Variants in ZSWIM6 observed in about 807,000 individuals in gnomAD.
ZSWIM6 encodes zinc finger SWIM domain-containing protein 6.
Under a neutral mutation model 113.2 loss-of-function variants are expected in ZSWIM6, and 9 were observed. That is an observed-to-expected ratio of 0.08 (90% CI 0.05 to 0.14). The LOEUF (loss-of-function observed/expected upper bound fraction) is 0.14. ZSWIM6 is among the 10% of genes least tolerant of loss of function. The pLI is 1.00. For synonymous variants in ZSWIM6, 611 were observed against 606.5 expected (o/e 1.01, Z -0.11); for missense variants, 1,162 against 1,552.2 (o/e 0.75, Z 4.22).
chr5:61,373,684 C>T (rs1745312376), intron 1 of ZSWIM6, among the ~76,000 whole-genome samples: 1 of 152,052 alleles, frequency 6.6e-6, no homozygotes, highest in African/African-American at 2.4e-5. Context: ...TAAAATCTTA[C>T]TGATTTTTCA....
At chr5:61,494,510 C>T (rs762602503) in intron 4 of ZSWIM6, 100 bp downstream of exon 4, 1 of 1,426,598 alleles carries the variant, frequency 7.0e-7, no homozygotes, top group Non-Finnish European at 9.5e-7. Context: ...GAAGAGAGAG[C>T]TGCTCATGCA....
intron 1 of ZSWIM6, among the ~76,000 whole-genome samples, chr5:61,440,407 G>A (rs1031688016): frequency 6.7e-6 from 1 of 150,006 alleles, no homozygotes; most frequent in Admixed American, 6.7e-5. Flanking sequence ...TAAGGGTGAA[G>A]TGCTAACTCT....
chr5:61,433,952 A>G (rs1288669694), intron 1 of ZSWIM6, among the ~76,000 whole-genome samples: 3 of 149,856 alleles, frequency 2.0e-5, no homozygotes, highest in African/African-American at 7.3e-5. Flanking sequence ...ATCACATAAC[A>G]TGCATACATG....
At chr5:61,451,355 T>C (rs1291313384) in intron 1 of ZSWIM6, among the ~76,000 whole-genome samples, 1 of 152,220 alleles carries the variant, frequency 6.6e-6, no homozygotes, top group African/African-American at 2.4e-5. Flanking sequence ...AAGTATATTA[T>C]TTAAAAGTTA....
intron 1 of ZSWIM6, among the ~76,000 whole-genome samples, chr5:61,461,107 C>G (rs2112168395): frequency 6.6e-6 from 1 of 152,184 alleles, no homozygotes; most frequent in South Asian, 2.1e-4. Context: ...AATTTCCCCC[C>G]AAATGCCAGT....
chr5:61,451,843 ATAAAT>A (rs1379507174), intron 1 of ZSWIM6, among the ~76,000 whole-genome samples: 1 of 152,178 alleles, frequency 6.6e-6, no homozygotes, highest in African/African-American at 2.4e-5. Context: ...TTAGCACCTA[ATAAAT>A]TGTTTATTTG....
chr5:61,422,111 T>C (rs1244622626), intron 1 of ZSWIM6, among the ~76,000 whole-genome samples: 1 of 152,220 alleles, frequency 6.6e-6, no homozygotes, highest in African/African-American at 2.4e-5. Flanking sequence ...TTGCCTGTGC[T>C]TGTGGGATAT....
rs748556109 is a variant in ZSWIM6, at chr5:61,373,372, CTTTTTTT to C, written c.676+40441_676+40447del. Among the ~76,000 whole-genome samples the C allele has an allele frequency of 7.2e-4, 74 of 102,946 alleles. 1 individual carries two copies. Among genetic ancestry groups the C allele is most frequent in the South Asian group, 5.1e-3 (16 of 3,156 alleles). 67.5% of individuals were successfully genotyped at this position (102,946 alleles called of 152,430 possible). On this transcript the variant is annotated intron_variant, in intron 1 of 13. Transcript: ENST00000252744. ...CTAAAATTTCTTCTACTCAGTATTT[CTTTTTTT>C]TTTTTTTTTTTTTTTTGAGACGGAG...
chr5:61,503,638 C>T (rs1748531153), intron 4 of ZSWIM6, among the ~76,000 whole-genome samples: 1 of 152,090 alleles, frequency 6.6e-6, no homozygotes, highest in South Asian at 2.1e-4. Context: ...TTCCAAAATG[C>T]TCCCAAGAGC....
chr5:61,483,626 T>C (rs1747937204), intron 2 of ZSWIM6, among the ~76,000 whole-genome samples: 1 of 151,488 alleles, frequency 6.6e-6, no homozygotes, highest in Non-Finnish European at 1.5e-5. Flanking sequence ...CCCAGCACTT[T>C]GGGAGGCCGA....
At position 61,543,335 on chromosome 5, in the gene ZSWIM6, T is replaced by C; in HGVS notation, c.2786-120T>C. On this transcript the variant is annotated intron_variant, in intron 13 of 13. Transcript: ENST00000252744. This position sits in a 1 kb window ranked among gnomAD's most constrained non-coding sequence, Gnocchi z 4.3. The stretch of plus-strand genomic sequence containing the variant: ...AGGCACATTACTTTACAGGATTTTC[T>C]AGCCTAGCTCATGTCCTATGATGGT... 8.2e-7 allele frequency: 1 copy of C among 1,221,986 alleles called. No homozygotes were observed. Among genetic ancestry groups the C allele is most frequent in the Non-Finnish European group, 1.1e-6 (1 of 903,742 alleles). 75.7% of individuals were successfully genotyped at this position (1,221,986 alleles called of 1,614,324 possible). A position where few individuals can be genotyped will look rare whatever the true frequency, so the allele number is the denominator to read the frequency against.
At chr5:61,476,118 C>G (rs1319277389) in intron 2 of ZSWIM6, among the ~76,000 whole-genome samples, 1 of 152,152 alleles carries the variant, frequency 6.6e-6, no homozygotes. Context: ...TGAGTAAATA[C>G]AAAATATGTT....
At chr5:61,347,088 T>G (rs1339188867) in intron 1 of ZSWIM6, 2 of 153,172 alleles carry the variant, frequency 1.3e-5, no homozygotes, top group African/African-American at 4.8e-5. Flanking sequence ...TTTACTGTTA[T>G]GTAATTGGGT....
At position 61,476,966 on chromosome 5, in the gene ZSWIM6, T is replaced by C. The variant is rs562172157; in HGVS notation, c.1033+3929T>C. 2.0e-5 allele frequency among the ~76,000 whole-genome samples: 3 copies of C among 152,212 alleles called. No homozygotes were observed. In the East Asian group the frequency reaches 5.8e-4, roughly 29 times the overall value. On this transcript the variant is annotated intron_variant, in intron 2 of 13. Coordinates refer to ENST00000252744, the MANE Select transcript of ZSWIM6 (RefSeq NM_020928.2). ...TGTTGGGATAATTTTAATCATACAA[T>C]GGATAATTATAAAAAAAGATAACTG... is the stretch of plus-strand genomic sequence containing the variant.
chr5:61,527,439 C>A (rs916686911), intron 7 of ZSWIM6, among the ~76,000 whole-genome samples: 1 of 152,012 alleles, frequency 6.6e-6, no homozygotes, highest in South Asian at 2.1e-4. Context: ...GAGGTTGGAG[C>A]AAGTGTCTAT....
intron 2 of ZSWIM6, among the ~76,000 whole-genome samples, chr5:61,473,833 T>G (rs1372362086): frequency 6.6e-6 from 1 of 152,212 alleles, no homozygotes; most frequent in Admixed American, 6.5e-5. Context: ...TTACATTTCT[T>G]TATTTATATT....
chr5:61,424,995 A>C (rs1746436777), intron 1 of ZSWIM6, among the ~76,000 whole-genome samples: 1 of 151,968 alleles, frequency 6.6e-6, no homozygotes, highest in South Asian at 2.1e-4. Flanking sequence ...TGGGATTACA[A>C]ACGTGAGCCA....
intron 1 of ZSWIM6, chr5:61,375,438 A>T (rs1227042864): frequency 1.6e-5 from 24 of 1,522,294 alleles, no homozygotes; most frequent in Non-Finnish European, 2.1e-5. Flanking sequence ...CTTCTTCTTC[A>T]TCAAGCTCTG....
At chr5:61,517,203 C>T (rs1230909694) in intron 4 of ZSWIM6, among the ~76,000 whole-genome samples, 2 of 152,020 alleles carry the variant, frequency 1.3e-5, no homozygotes, top group East Asian at 3.9e-4. Context: ...GGGAGGTTTT[C>T]ATTCATGATT....
Sources: allele counts gnomAD v4.1 joint callset (sites outside exome capture counted in the v4.1 genomes callset), GRCh38; gene constraint gnomAD v4.1.1; non-coding constraint Gnocchi (gnomAD v3.1); transcripts MANE v1.5; gene names NCBI Gene and HGNC (gene_info 2026-07-23, HGNC 2026-07-21).